CCDC167: variants seen among roughly 807,000 people sequenced by gnomAD.
The protein encoded by CCDC167 is coiled-coil domain containing 167, also known as coiled-coil domain-containing protein 167.
CCDC167 carries 15 observed loss-of-function variants against 12.7 expected under a neutral mutation model. The ratio of observed to expected loss-of-function variants is 1.18; its 90% CI spans 0.79 to 1.81. CCDC167 has a LOEUF of 1.81. Among genes scored for constraint, CCDC167 ranks in the 40% most tolerant of loss-of-function variants. The pLI is 0.00. For synonymous variants in CCDC167, 52 were observed against 49.0 expected (o/e 1.06, Z -0.26); for missense variants, 121 against 120.1 (o/e 1.01, Z -0.03).
intron 1 of CCDC167, among the ~76,000 whole-genome samples, chr6:37,496,390 T>C (rs1268212937): frequency 3.3e-5 from 5 of 151,786 alleles, no homozygotes; most frequent in African/African-American, 1.2e-4. Flanking sequence ...GCTGAGATCA[T>C]GCCGCTGCAC....
At chr6:37,498,181 T>C (rs1047387867) in intron 1 of CCDC167, among the ~76,000 whole-genome samples, 1 of 152,106 alleles carries the variant, frequency 6.6e-6, no homozygotes, top group Non-Finnish European at 1.5e-5. Flanking sequence ...CCCAGACCAT[T>C]TGGCTCTCTA....
intron 1 of CCDC167, among the ~76,000 whole-genome samples, chr6:37,497,690 A>C (rs1762115969): frequency 6.6e-6 from 1 of 152,050 alleles, no homozygotes. Flanking sequence ...CCCCGTCTTT[A>C]CCAAAAATAC....
At chr6:37,496,393 C>T (rs143876448) in intron 1 of CCDC167, among the ~76,000 whole-genome samples, 2,016 of 152,010 alleles carry the variant, frequency 0.013, 35 homozygotes, top group African/African-American at 0.045. Flanking sequence ...GAGATCATGC[C>T]GCTGCACTAC....
intron 2 of CCDC167, 55 bp downstream of exon 2, chr6:37,485,045 T>TA: frequency 1.4e-6 from 2 of 1,463,952 alleles, no homozygotes; most frequent in Non-Finnish European, 9.4e-7. Flanking sequence ...CCAGGATAGA[T>TA]ACAGGGGGTG....
chr6:37,492,353 C>A (rs980450472), intron 1 of CCDC167, among the ~76,000 whole-genome samples: 7 of 151,956 alleles, frequency 4.6e-5, no homozygotes, highest in Non-Finnish European at 1.0e-4. Flanking sequence ...TAATCTTGTA[C>A]AAGGCTCTGC....
chr6:37,499,434 T>G (rs373644207), intron 1 of CCDC167, among the ~76,000 whole-genome samples: 23 of 152,324 alleles, frequency 1.5e-4, no homozygotes, highest in African/African-American at 5.3e-4. Context: ...CCTAGCCCTT[T>G]GGGAGTTCTC....
At chr6:37,499,491 G>C (rs903454282) in intron 1 of CCDC167, among the ~76,000 whole-genome samples, 1 of 151,888 alleles carries the variant, frequency 6.6e-6, no homozygotes, top group Non-Finnish European at 1.5e-5. Context: ...CCTCACCTCT[G>C]TACCCATCCC....
intron 3 of CCDC167, among the ~76,000 whole-genome samples, chr6:37,484,063 T>G (rs924440259): frequency 6.6e-6 from 1 of 152,216 alleles, no homozygotes; most frequent in African/African-American, 2.4e-5. Context: ...CAGGCCAGAC[T>G]GAGTCCAGGG....
intron 1 of CCDC167, among the ~76,000 whole-genome samples, chr6:37,493,511 G>A (rs934183176): frequency 6.6e-6 from 1 of 152,230 alleles, no homozygotes; most frequent in Non-Finnish European, 1.5e-5. Flanking sequence ...CCTGACCCCC[G>A]TCAAGTGGCG....
At chr6:37,497,860 C>T (rs1183382677) in intron 1 of CCDC167, among the ~76,000 whole-genome samples, 3 of 151,584 alleles carry the variant, frequency 2.0e-5, no homozygotes, top group African/African-American at 7.3e-5. Flanking sequence ...GTCTCAAAAG[C>T]AAAACACAGC....
chr6:37,492,410 C>T (rs1056732804), intron 1 of CCDC167, among the ~76,000 whole-genome samples: 1 of 152,206 alleles, frequency 6.6e-6, no homozygotes, highest in South Asian at 2.1e-4. Flanking sequence ...GGAAAGCCCT[C>T]ATTGAAATTT....
At chr6:37,499,176 G>A (rs1336841442) in intron 1 of CCDC167, among the ~76,000 whole-genome samples, 1 of 152,184 alleles carries the variant, frequency 6.6e-6, no homozygotes, top group African/African-American at 2.4e-5. Context: ...GGCTTGCAGT[G>A]AGGATTAACA....
rs574881427 is a variant in CCDC167 at position 37,483,048 on chromosome 6, G to A, written c.*138C>T. ...AGGCCAGGGAGGCAAGGCCTGGGCC[G>A]CCAGGAAGCCATGCTTGAACACTAG... On this transcript the variant is annotated 3_prime_UTR_variant, in exon 4 of 4. Coordinates refer to ENST00000373408, the MANE Select transcript of CCDC167 (RefSeq NM_138493.3). 3.2e-5 allele frequency: 24 copies of A among 757,154 alleles called. No homozygotes were observed. The highest frequency in any genetic ancestry group is 5.0e-4 in the Middle Eastern group (2 of 3,986). The allele number at this position is 757,154 out of a possible 1,614,324, so 46.9% of individuals were successfully genotyped here.
chr6:37,484,917 G>C, intron 2 of CCDC167, 55 bp from the exon 3 acceptor site: 4 of 1,608,342 alleles, frequency 2.5e-6, no homozygotes, highest in Non-Finnish European at 3.4e-6. Context: ...CCCCACCCGA[G>C]GGGCAGCTGG....
chr6:37,484,670 T>G (rs1581762243), intron 3 of CCDC167, 140 bp downstream of exon 3: 1 of 887,132 alleles, frequency 1.1e-6, no homozygotes, highest in South Asian at 1.5e-5. Flanking sequence ...CTAGCAGGGG[T>G]GTCTGCAGCC....
At chr6:37,485,075 T>C in intron 2 of CCDC167, 25 bp downstream of exon 2, 1 of 1,541,258 alleles carries the variant, frequency 6.5e-7, no homozygotes, top group Non-Finnish European at 8.8e-7. Flanking sequence ...TGGGGAAGGG[T>C]GGGGTGGCTG....
At chr6:37,498,626 G>A (rs1253628684) in intron 1 of CCDC167, among the ~76,000 whole-genome samples, 1 of 151,904 alleles carries the variant, frequency 6.6e-6, no homozygotes, top group African/African-American at 2.4e-5. Flanking sequence ...AAGAGTTCAA[G>A]ACCAGCCTGG....
chr6:37,487,516 T>C (rs1419374979), intron 1 of CCDC167, among the ~76,000 whole-genome samples: 1 of 152,244 alleles, frequency 6.6e-6, no homozygotes, highest in Non-Finnish European at 1.5e-5. Flanking sequence ...CTTTGCAGAT[T>C]GCCCAGTGCA....
chr6:37,492,910 G>A (rs1762041134), intron 1 of CCDC167, among the ~76,000 whole-genome samples: 1 of 152,192 alleles, frequency 6.6e-6, no homozygotes, highest in Non-Finnish European at 1.5e-5. Context: ...CAAACCCCAA[G>A]GGGCCCATTA....
Sources: gnomAD v4.1 joint callset for allele counts (sites outside exome capture counted in the v4.1 genomes callset) on GRCh38, gnomAD v4.1.1 for gene constraint, MANE v1.5 for transcripts, NCBI Gene and HGNC (gene_info 2026-07-23, HGNC 2026-07-21) for gene names.